The following IL1RL1 variants were observed in gnomAD, a reference collection of about 807,000 sequenced individuals.
IL1RL1 encodes the protein interleukin-1 receptor-like 1.
A neutral mutation model predicts 50.9 loss-of-function variants in IL1RL1; 32 were observed. The observed-to-expected ratio is 0.63, with a 90% CI of 0.47 to 0.84. The LOEUF is 0.84. IL1RL1 is among the 40% of genes least tolerant of loss of function. The pLI is 0.00. For synonymous variants in IL1RL1, 275 were observed against 236.0 expected, an observed-to-expected ratio of 1.17 and a Z score of -1.51; for missense variants, 773 against 662.9, an observed-to-expected ratio of 1.17 and a Z score of -1.82.
Position 102,338,164 on chromosome 2 carries a change from A to C in IL1RL1, c.-101A>C, listed in dbSNP as rs1361302857. 1 of 683,726 alleles carries C rather than the reference A, an allele frequency of 1.5e-6. No individual in the cohort carries two copies. The highest frequency in any genetic ancestry group is 2.6e-6 in the Non-Finnish European group (1 of 385,678). 42.4% of individuals were successfully genotyped at this position (683,726 alleles called of 1,614,324 possible). ...AACTCAGTCTTGAAGAGTATCACCA[A>C]CTGCCTCATGTGTGGTGACCTTCAC... On this transcript the variant is annotated 5_prime_UTR_variant, in exon 2 of 11. Coordinates refer to ENST00000233954, the MANE Select transcript of IL1RL1 (RefSeq NM_016232.5).
chr2:102,318,787 G>A (rs1456736856), intron 1 of IL1RL1, among the ~76,000 whole-genome samples: 1 of 152,150 alleles, frequency 6.6e-6, no homozygotes, highest in African/African-American at 2.4e-5. Flanking sequence ...TTTGACAGAG[G>A]CTGCTTATAG....
At chr2:102,348,577 C>A (rs1376195333) in intron 9 of IL1RL1, among the ~76,000 whole-genome samples, 1 of 152,206 alleles carries the variant, frequency 6.6e-6, no homozygotes, top group Non-Finnish European at 1.5e-5. Context: ...CTGCTAGATG[C>A]AAACTTCATG....
Position 102,347,934 on chromosome 2 carries a change from CT to C in IL1RL1, c.971-7del. ...AGTAGTAATAATAATCTTTTTCTTT[CT>C]TTTGAATAGTTGATCATCATAGCAT... On this transcript the variant is annotated splice_polypyrimidine_tract_variant and intron_variant, in intron 8 of 10. Coordinates refer to ENST00000233954, the MANE Select transcript of IL1RL1 (RefSeq NM_016232.5). The C allele has an allele frequency of 4.8e-6, 7 of 1,445,966 alleles. No individual in the cohort carries two copies. The highest frequency in any genetic ancestry group is 1.7e-5 in the Admixed American group (1 of 58,240). 89.6% of individuals were successfully genotyped at this position (1,445,966 alleles called of 1,614,324 possible). A position where few individuals can be genotyped will look rare whatever the true frequency, so the allele number is the denominator to read the frequency against.
In IL1RL1 at chr2:102,340,355, G is replaced by A. The variant is rs941672810; in HGVS notation, c.447+83G>A. 5.0e-6 allele frequency: 6 copies of A among 1,204,392 alleles called. No homozygotes were observed. The African/African-American group carries it at 7.8e-5, about 16-fold the overall frequency. The allele number at this position is 1,204,392 out of a possible 1,614,324, so 74.6% of individuals were successfully genotyped here. A position where few individuals can be genotyped will look rare whatever the true frequency, so the allele number is the denominator to read the frequency against. ...TGGCCGGGCACAGTGGCTCATGCCT[G>A]TAATCCTAGCACTTTGGGAGGCCAA... is the stretch of plus-strand genomic sequence containing the variant. On this transcript the variant is annotated intron_variant, in intron 4 of 10. Coordinates refer to ENST00000233954, the MANE Select transcript of IL1RL1 (RefSeq NM_016232.5).
At chr2:102,311,846 A>ATATATCATATAATTATATAATATATAT (rs1676484862) in intron 1 of IL1RL1, among the ~76,000 whole-genome samples, 1 of 78,108 alleles carries the variant, frequency 1.3e-5, no homozygotes, top group Non-Finnish European at 2.4e-5. Flanking sequence ...TATAATTGTA[A>ATATATCATATAATTATATAATATATAT]TATATAATAT....
chr2:102,345,642 T>C (rs1199338732), intron 8 of IL1RL1: 1 of 985,292 alleles, frequency 1.0e-6, no homozygotes, highest in African/African-American at 1.7e-5. Context: ...TGAAGTGCTA[T>C]GTGGGGTTTT....
intron 1 of IL1RL1, among the ~76,000 whole-genome samples, chr2:102,318,938 G>A (rs891680691): frequency 1.3e-5 from 2 of 152,138 alleles, no homozygotes; most frequent in African/African-American, 2.4e-5. Context: ...GTAATGCAAT[G>A]TTTCCAAAGT....
chr2:102,340,922 C>A, intron 5 of IL1RL1, 94 bp downstream of exon 5: 1 of 957,698 alleles, frequency 1.0e-6, no homozygotes, highest in Non-Finnish European at 1.5e-6. Context: ...TGCACTTCTC[C>A]CTCCTCCCTT....
intron 1 of IL1RL1, among the ~76,000 whole-genome samples, chr2:102,330,053 G>A (rs540818716): frequency 2.0e-4 from 30 of 152,200 alleles, no homozygotes; most frequent in Non-Finnish European, 3.4e-4. Context: ...TGTTTATAGC[G>A]GCACTATTCA....
At chr2:102,345,986 T>C (rs1317583639) in intron 8 of IL1RL1, 1 of 985,168 alleles carries the variant, frequency 1.0e-6, no homozygotes, top group South Asian at 4.7e-5. Flanking sequence ...TACAGGTGTT[T>C]AATGATTTTG....
At chr2:102,350,536 T>C (rs111533915) in intron 10 of IL1RL1, among the ~76,000 whole-genome samples, 1,772 of 152,212 alleles carry the variant, frequency 0.012, no homozygotes, top group African/African-American at 0.04. Context: ...GGAAAGTTCA[T>C]GACTGACTAA....
intron 1 of IL1RL1, among the ~76,000 whole-genome samples, chr2:102,319,598 G>A (rs554534464): frequency 2.0e-5 from 3 of 152,288 alleles, no homozygotes; most frequent in East Asian, 3.9e-4. Flanking sequence ...AGTACACTAG[G>A]TGCCTATAGT....
downstream of IL1RL1, chr2:102,352,173 C>T (rs771793672): frequency 6.2e-5 from 28 of 452,164 alleles, no homozygotes; most frequent in Non-Finnish European, 1.0e-4. Context: ...TGCCTGTCTT[C>T]ACTGTGGTGT....
intron 1 of IL1RL1, among the ~76,000 whole-genome samples, chr2:102,325,752 G>T (rs1676979219): frequency 6.6e-6 from 1 of 152,226 alleles, no homozygotes; most frequent in South Asian, 2.1e-4. Flanking sequence ...AAGGGTATCA[G>T]TGACGGAAGA....
At chr2:102,349,402 C>T (rs905398066) in intron 10 of IL1RL1, among the ~76,000 whole-genome samples, 156 bp downstream of exon 10, 19 of 152,308 alleles carry the variant, frequency 1.2e-4, no homozygotes, top group South Asian at 6.2e-4. Context: ...GACACTTATC[C>T]TTCAATCGCC....
At chr2:102,346,872 A>T (rs1677799874) in intron 8 of IL1RL1, among the ~76,000 whole-genome samples, 1 of 152,114 alleles carries the variant, frequency 6.6e-6, no homozygotes, top group South Asian at 2.1e-4. Context: ...ATGCATGGAG[A>T]CTTAAGACGG....
chr2:102,322,000 T>G (rs1676850942), intron 1 of IL1RL1, among the ~76,000 whole-genome samples: 1 of 152,224 alleles, frequency 6.6e-6, no homozygotes, highest in Non-Finnish European at 1.5e-5. Context: ...ATTATCTATC[T>G]ATGTATCTAT....
chr2:102,348,372 C>A (rs1347834024), intron 9 of IL1RL1, among the ~76,000 whole-genome samples: 1 of 152,110 alleles, frequency 6.6e-6, no homozygotes, highest in Non-Finnish European at 1.5e-5. Flanking sequence ...CTGCCCCAAG[C>A]CCAGAAAGGT....
chr2:102,315,215 C>T (rs751926787), intron 1 of IL1RL1, among the ~76,000 whole-genome samples: 2 of 152,140 alleles, frequency 1.3e-5, no homozygotes, highest in Non-Finnish European at 2.9e-5. Flanking sequence ...AGGGTGTATG[C>T]CGTGGGGAAA....
Sources: gnomAD v4.1 joint callset for allele counts (sites outside exome capture counted in the v4.1 genomes callset) on GRCh38, gnomAD v4.1.1 for gene constraint, MANE v1.5 for transcripts, NCBI Gene and HGNC (gene_info 2026-07-23, HGNC 2026-07-21) for gene names.